The following DPP9 variants were observed in gnomAD, a reference collection of about 807,000 sequenced individuals.
DPP9 encodes the protein dipeptidyl peptidase 9, also known as dipeptidyl peptidase IV-related protein-2.
A neutral mutation model predicts 110.7 loss-of-function variants in DPP9; 50 were observed. The observed-to-expected ratio is 0.45, with a 90% CI of 0.36 to 0.57. The LOEUF (loss-of-function observed/expected upper bound fraction) is 0.57. DPP9 is among the 20% of genes least tolerant of loss of function. The pLI is 0.00. For synonymous variants in DPP9, 561 were observed against 514.4 expected (o/e 1.09, Z -1.23); for missense variants, 1,022 against 1,217.9 (o/e 0.84, Z 2.39).
In DPP9 at chr19:4,698,976, G is replaced by C. The variant is rs1443987426; in HGVS notation, c.1074+1240C>G. On this transcript the variant is annotated intron_variant, in intron 10 of 21. Transcript: ENST00000262960. This position sits in a 1 kb window ranked among gnomAD's most constrained non-coding sequence, Gnocchi z 4.2. ...GATTGAGACCGTCCTGGCTAACACG[G>C]TGAAACCCCGTCTCTAATAAAAAAT... Among the ~76,000 whole-genome samples the C allele has an allele frequency of 6.6e-6, 1 of 151,758 alleles. No homozygotes were observed. The highest frequency in any genetic ancestry group is 1.5e-5 in the Non-Finnish European group (1 of 67,960).
rs1257565835 is a variant in DPP9 at position 4,695,733 on chromosome 19, CA to C, written c.1176-179del. Among the ~76,000 whole-genome samples the C allele has an allele frequency of 6.6e-6, 1 of 152,172 alleles. No homozygotes were observed. The highest frequency in any genetic ancestry group is 2.4e-5 in the African/African-American group (1 of 41,444). On this transcript the variant is annotated intron_variant, in intron 11 of 21. Transcript: ENST00000262960. The surrounding 1 kb of genome is among the most constrained non-coding windows in gnomAD (Gnocchi z 4.7). Reference sequence around the variant, plus strand: ...GCACCCACAGGCTTCCTTCCTGGCACATGCTTAGGGGAGGACAGGATGGGTG... The same window carrying C: ...GCACCCACAGGCTTCCTTCCTGGCACTGCTTAGGGGAGGACAGGATGGGTG...
chr19:4,680,212 G>C (rs374599479), intron 20 of DPP9, among the ~76,000 whole-genome samples: 2 of 150,494 alleles, frequency 1.3e-5, no homozygotes, highest in Non-Finnish European at 3.0e-5. Flanking sequence ...CTCCAGCCTG[G>C]GCGACAGATG....
intron 10 of DPP9, 116 bp from the exon 11 acceptor site, chr19:4,697,767 C>T: frequency 3.8e-6 from 3 of 797,394 alleles, no homozygotes; most frequent in Non-Finnish European, 6.0e-6. Flanking sequence ...GCTGGAGTCT[C>T]AGCCCCCAGA....
Position 4,695,132 on chromosome 19 carries a change from C to T in DPP9, c.1353+246G>A, listed in dbSNP as rs1296744273. On this transcript the variant is annotated intron_variant, in intron 12 of 21. Coordinates refer to ENST00000262960, the MANE Select transcript of DPP9 (RefSeq NM_139159.5). The surrounding 1 kb of genome is among the most constrained non-coding windows in gnomAD (Gnocchi z 4.7). ...CACCACTGCACTCTAGTCTGGGCAA[C>T]AGAGCAACCCTGTCTCTAATTAAAG... 3 of 576,902 alleles carry T rather than the reference C, an allele frequency of 5.2e-6. No homozygotes were observed. Among genetic ancestry groups the T allele is most frequent in the Non-Finnish European group, 9.1e-6 (3 of 330,448 alleles). The allele number at this position is 576,902 out of a possible 1,614,324, so 35.7% of individuals were successfully genotyped here.
Position 4,681,037 on chromosome 19 carries a change from G to A in DPP9, c.2475-1091C>T, listed in dbSNP as rs116601054. 5.9e-3 allele frequency among the ~76,000 whole-genome samples: 892 copies of A among 152,282 alleles called. 7 individuals carry two copies. The highest frequency in any genetic ancestry group is 0.02 in the African/African-American group (830 of 41,544). ...CATGGGCTACTGGTGAGGCCAACAC[G>A]CAGCCTCACCAGAATCGGCTGCCCT... On this transcript the variant is annotated intron_variant, in intron 20 of 21. Coordinates refer to ENST00000262960, the MANE Select transcript of DPP9 (RefSeq NM_139159.5).
chr19:4,693,522 C>T lies in DPP9; in HGVS notation c.1516+1139G>A, dbSNP rs1374838070. ...CTGTCTTAGACTGGACCTGCGGAGCCCTCCGGGCATCCATGCCGCCTCCCT... is the reference window on the plus strand; with the variant it reads ...CTGTCTTAGACTGGACCTGCGGAGCTCTCCGGGCATCCATGCCGCCTCCCT... On this transcript the variant is annotated intron_variant, in intron 13 of 21. Coordinates refer to ENST00000262960, the MANE Select transcript of DPP9 (RefSeq NM_139159.5). This position sits in a 1 kb window ranked among gnomAD's most constrained non-coding sequence, Gnocchi z 5.0. 6.6e-6 allele frequency among the ~76,000 whole-genome samples: 1 copy of T among 152,144 alleles called. No individual in the cohort carries two copies. The highest frequency in any genetic ancestry group is 1.5e-5 in the Non-Finnish European group (1 of 68,002).
At chr19:4,680,069 A>C in intron 20 of DPP9, 123 bp from the exon 21 acceptor site, 1 of 650,212 alleles carries the variant, frequency 1.5e-6, no homozygotes, top group Non-Finnish European at 2.7e-6. Context: ...GTCTCTACTA[A>C]AAATATATTT....
chr19:4,690,083 T>A, intron 14 of DPP9, among the ~76,000 whole-genome samples: 1 of 152,140 alleles, frequency 6.6e-6, no homozygotes, highest in Non-Finnish European at 1.5e-5. Context: ...AACCCGGCAG[T>A]CCCCAGCCTG....
In DPP9 at chr19:4,684,180, C is replaced by T. The variant is rs569757243; in HGVS notation, c.2178+483G>A. 10 of 269,774 alleles carry T rather than the reference C, an allele frequency of 3.7e-5. No individual in the cohort carries two copies. The highest frequency in any genetic ancestry group is 7.3e-5 in the Non-Finnish European group (10 of 136,286). The allele number at this position is 269,774 out of a possible 1,614,324, so 16.7% of individuals were successfully genotyped here. On this transcript the variant is annotated intron_variant, in intron 18 of 21. Transcript: ENST00000262960. The surrounding 1 kb of genome is among the most constrained non-coding windows in gnomAD (Gnocchi z 4.8). ...AAAAGGGCCTGATGGAGGGAGGCCA[C>T]GGCTTTTCCGCTCCTTGCAACCCCT...
chr19:4,704,252 C>T lies in DPP9; in HGVS notation c.479G>A (p.Arg160Gln), dbSNP rs2092458227. 3.1e-6 allele frequency: 5 copies of T among 1,613,902 alleles called. No individual in the cohort carries two copies. The highest frequency in any genetic ancestry group is 4.2e-6 in the Non-Finnish European group (5 of 1,179,890). The change falls in exon 6 of 22, where the codon CGG becomes CAG. Residue 160 changes from arginine (R) to glutamine (Q), a missense_variant. Around this residue, in one of 3 missense-constraint regions of DPP9, gnomAD observed 810 missense variants for 920.6 expected, o/e 0.88. Coordinates refer to ENST00000262960, the MANE Select transcript of DPP9 (RefSeq NM_139159.5). The surrounding 1 kb of genome is among the most constrained non-coding windows in gnomAD (Gnocchi z 6.0). ...YSREEELLRE[R>Q]KRLGVFGITS... ...GATGCCGAAGACCCCCAGGCGTTTC[C>T]GCTCCCTCAGCAGCTCCTCCTCCCG...
At chr19:4,699,941 G>C (rs553997716) in intron 10 of DPP9, among the ~76,000 whole-genome samples, 2 of 152,208 alleles carry the variant, frequency 1.3e-5, no homozygotes, top group Non-Finnish European at 2.9e-5. Context: ...GTCCTCGCAG[G>C]GCCCCTGCCC....
Position 4,714,207 on chromosome 19 carries a change from G to A in DPP9, c.187C>T (p.Leu63Phe), listed in dbSNP as rs1179104459. 6.2e-7 allele frequency: 1 copy of A among 1,607,334 alleles called. No individual in the cohort carries two copies. The highest frequency in any genetic ancestry group is 1.7e-5 in the Admixed American group (1 of 59,204). The part of the protein sequence containing the change: ...FQVQKHSWDG[L>F]RSIIHGSRKY... ...CGGCTGCCGTGGATGATGCTCCGGA[G>A]CCCGTCCCACGAGTGCTTCTGCACC... Residue 63 changes from leucine (L) to phenylalanine (F), a missense_variant, in exon 4 of 22, where the codon CTC becomes TTC. By Grantham distance (22) the Leu-to-Phe change is conservative. Coordinates refer to ENST00000262960, the MANE Select transcript of DPP9 (RefSeq NM_139159.5).
At chr19:4,691,727 G>A (rs950083080) in intron 13 of DPP9, among the ~76,000 whole-genome samples, 2 of 149,424 alleles carry the variant, frequency 1.3e-5, no homozygotes, top group African/African-American at 2.5e-5. Flanking sequence ...GCCCAGGCTG[G>A]AGTGCAATGG....
At chr19:4,713,400 C>T (rs972221550) in intron 4 of DPP9, among the ~76,000 whole-genome samples, 12 of 152,356 alleles carry the variant, frequency 7.9e-5, no homozygotes, top group South Asian at 2.1e-4. Context: ...CAGCCTAACC[C>T]GTGCCCTGAA....
intron 15 of DPP9, 41 bp from the exon 16 acceptor site, chr19:4,688,933 T>C (rs760878208): frequency 6.7e-7 from 1 of 1,497,178 alleles, no homozygotes; most frequent in Non-Finnish European, 8.8e-7. Flanking sequence ...GGGATGCCGC[T>C]GCGCCCTTTC....
chr19:4,719,757 G>C (rs2093236369), intron 3 of DPP9, 94 bp downstream of exon 3: 1 of 1,421,392 alleles, frequency 7.0e-7, no homozygotes, highest in African/African-American at 1.4e-5. Flanking sequence ...CCAGGGGAGA[G>C]GGAAAGAAGG....
chr19:4,684,446 T>C lies in DPP9; in HGVS notation c.2178+217A>G. The C allele has an allele frequency of 1.7e-6, 1 of 590,318 alleles. No homozygotes were observed. Among genetic ancestry groups the C allele is most frequent in the South Asian group, 2.1e-5 (1 of 47,774 alleles). 36.6% of individuals were successfully genotyped at this position (590,318 alleles called of 1,614,324 possible). ...TCGTCATCACCAGTGTCAGCACAAC[T>C]TGTCTCTGTCCCTGCAGGGCGCAGC... On this transcript the variant is annotated intron_variant, in intron 18 of 21. Transcript: ENST00000262960. The surrounding 1 kb of genome is among the most constrained non-coding windows in gnomAD (Gnocchi z 4.8).
At chr19:4,721,631 A>C (rs2093326929) in intron 2 of DPP9, among the ~76,000 whole-genome samples, 1 of 152,162 alleles carries the variant, frequency 6.6e-6, no homozygotes, top group Non-Finnish European at 1.5e-5. Flanking sequence ...AAATACAAAA[A>C]TTAGCCAGCT....
intron 4 of DPP9, among the ~76,000 whole-genome samples, chr19:4,708,448 G>A (rs748416709): frequency 1.4e-4 from 22 of 152,212 alleles, no homozygotes; most frequent in Non-Finnish European, 2.6e-4. Flanking sequence ...CTCCTCTGCT[G>A]CTGCTTTTGG....
Sources: allele counts gnomAD v4.1 joint callset (sites outside exome capture counted in the v4.1 genomes callset), GRCh38; gene constraint gnomAD v4.1.1; regional missense constraint gnomAD v4.1.1; non-coding constraint Gnocchi (gnomAD v3.1); transcripts MANE v1.5; gene names NCBI Gene and HGNC (gene_info 2026-07-23, HGNC 2026-07-21).